The following ZMYM2 variants were observed in gnomAD, a reference collection of about 807,000 sequenced individuals.
ZMYM2 encodes zinc finger MYM-type containing 2.
Under a neutral mutation model 162.8 loss-of-function variants are expected in ZMYM2, and 56 were observed. The observed-to-expected ratio is 0.34, with a 90% CI of 0.28 to 0.43. The LOEUF (loss-of-function observed/expected upper bound fraction) is 0.43, where lower values mean the gene tolerates loss of function less well. Among genes scored for constraint, ZMYM2 ranks in the 20% least tolerant of loss-of-function variants. ZMYM2 has a pLI of 1.00. For synonymous variants in ZMYM2, 510 were observed against 541.6 expected, an observed-to-expected ratio of 0.94 and a Z score of 0.81; for missense variants, 1,275 against 1,621.8, an observed-to-expected ratio of 0.79 and a Z score of 3.67.
intron 2 of ZMYM2, among the ~76,000 whole-genome samples, chr13:19,968,752 T>C (rs1956035708): frequency 6.6e-6 from 1 of 152,236 alleles, no homozygotes; most frequent in South Asian, 2.1e-4. Context: ...ATTGCTCATT[T>C]TGCAAAAACT....
intron 17 of ZMYM2, 33 bp downstream of exon 17, chr13:20,061,257 G>C: frequency 1.3e-6 from 2 of 1,598,036 alleles, no homozygotes; most frequent in Non-Finnish European, 1.7e-6. Context: ...TTGCGAATAA[G>C]TGTTAACATT....
intron 12 of ZMYM2, among the ~76,000 whole-genome samples, chr13:20,040,477 C>T (rs930211458): frequency 6.6e-6 from 1 of 151,912 alleles, no homozygotes; most frequent in South Asian, 2.1e-4. Context: ...TGGGTCTTCT[C>T]TCTTTTCTTT....
intron 2 of ZMYM2, among the ~76,000 whole-genome samples, chr13:19,970,600 C>CAAA (rs11365281): frequency 4.5e-3 from 396 of 88,046 alleles, no homozygotes; most frequent in Middle Eastern, 0.036. Flanking sequence ...AACCCCAAAC[C>CAAA]AAAAAAAAAA....
At chr13:19,878,874 T>C in the ZMYM2 span, among the ~76,000 whole-genome samples, 3 of 152,208 alleles carry the variant, frequency 2.0e-5, no homozygotes, top group Non-Finnish European at 4.4e-5. Context: ...GAGTTATATA[T>C]ATAGACTGGA....
At chr13:19,957,152 T>C (rs994657139), upstream of ZMYM2, among the ~76,000 whole-genome samples, 2 of 152,206 alleles carry the variant, frequency 1.3e-5, no homozygotes, top group African/African-American at 2.4e-5. Context: ...ATTTATTTTT[T>C]TTAATGAGTG....
chr13:20,060,210 A>G (rs1424986117), intron 16 of ZMYM2, among the ~76,000 whole-genome samples: 2 of 152,208 alleles, frequency 1.3e-5, no homozygotes, highest in Non-Finnish European at 2.9e-5. Context: ...TAATGAAGCT[A>G]ATAAAACCAT....
the ZMYM2 span, among the ~76,000 whole-genome samples, chr13:19,946,316 C>T: frequency 6.6e-6 from 1 of 152,200 alleles, no homozygotes; most frequent in Non-Finnish European, 1.5e-5. Context: ...CCAAGGCCTT[C>T]CAGGGGCCAC....
intron 21 of ZMYM2, among the ~76,000 whole-genome samples, chr13:20,081,481 G>A (rs1371596483): frequency 6.6e-6 from 1 of 152,102 alleles, no homozygotes; most frequent in Non-Finnish European, 1.5e-5. Flanking sequence ...TGTTTTACAG[G>A]TGGAGAATTA....
rs1230522596 is a variant in ZMYM2, at chr13:19,993,162, T to C, written c.90T>C (p.Asn30=). The part of the protein sequence containing the change: ...GSTAMATSLT[N]VGNSFSGPAN... Reference sequence around the variant, plus strand: ...CGGCCATGGCAACTAGTCTCACGAATGTAGGAAACTCATTTAGTGGTCCAG... The same window carrying C: ...CGGCCATGGCAACTAGTCTCACGAACGTAGGAAACTCATTTAGTGGTCCAG... Residue 30 remains asparagine, a synonymous_variant, in exon 3 of 25, where the codon AAT becomes AAC. Transcript: ENST00000610343. 4 of 1,614,064 alleles carry C rather than the reference T, an allele frequency of 2.5e-6. No homozygotes were observed. Among genetic ancestry groups the C allele is most frequent in the East Asian group, 2.2e-5 (1 of 44,884 alleles).
chr13:20,053,606 C>T (rs915541646), intron 14 of ZMYM2, among the ~76,000 whole-genome samples: 14 of 152,152 alleles, frequency 9.2e-5, no homozygotes, highest in Admixed American at 3.3e-4. Flanking sequence ...GAGCCAAGAT[C>T]GCGCCACTGC....
At chr13:20,049,850 G>A (rs1307065035) in intron 12 of ZMYM2, among the ~76,000 whole-genome samples, 2 of 151,920 alleles carry the variant, frequency 1.3e-5, no homozygotes, top group African/African-American at 2.4e-5. Flanking sequence ...TGCATTGTTC[G>A]GAATCAGTGA....
chr13:19,873,391 T>TA, the ZMYM2 span, among the ~76,000 whole-genome samples: 1 of 144,332 alleles, frequency 6.9e-6, no homozygotes, highest in Non-Finnish European at 1.5e-5. Flanking sequence ...TTTATTTATT[T>TA]ATTTATTTAT....
the ZMYM2 span, among the ~76,000 whole-genome samples, chr13:19,908,823 C>T: frequency 6.6e-6 from 1 of 152,182 alleles, no homozygotes; most frequent in African/African-American, 2.4e-5. Flanking sequence ...TGTCATGTAG[C>T]CTCTGAGTAA....
intron 6 of ZMYM2, among the ~76,000 whole-genome samples, chr13:20,008,411 G>T (rs754439070): frequency 6.6e-6 from 1 of 152,234 alleles, no homozygotes; most frequent in Non-Finnish European, 1.5e-5. Flanking sequence ...GATTACAGGC[G>T]TGAGCCATCA....
At chr13:19,872,226 C>T in the ZMYM2 span, among the ~76,000 whole-genome samples, 4 of 151,886 alleles carry the variant, frequency 2.6e-5, no homozygotes, top group Non-Finnish European at 4.4e-5. Context: ...ATCCACAGTG[C>T]CCATCCTCTG....
intron 12 of ZMYM2, among the ~76,000 whole-genome samples, chr13:20,047,657 T>G (rs971170806): frequency 2.2e-4 from 34 of 152,138 alleles, no homozygotes; most frequent in African/African-American, 7.7e-4. Flanking sequence ...TACTTTTTTG[T>G]TTATTTAAAT....
intron 2 of ZMYM2, among the ~76,000 whole-genome samples, chr13:19,992,446 A>G (rs1041172478): frequency 2.0e-5 from 3 of 152,150 alleles, no homozygotes; most frequent in Non-Finnish European, 4.4e-5. Flanking sequence ...GATGGCCTGT[A>G]GTCCCAGCTA....
chr13:20,010,150 C>T (rs146469870), intron 6 of ZMYM2, among the ~76,000 whole-genome samples: 13 of 152,210 alleles, frequency 8.5e-5, no homozygotes, highest in African/African-American at 3.1e-4. Context: ...TTTTGATTTG[C>T]ATTTCCCTAA....
the ZMYM2 span, among the ~76,000 whole-genome samples, chr13:19,884,558 G>A: frequency 3.2e-4 from 48 of 151,944 alleles, no homozygotes; most frequent in African/African-American, 1.0e-3. Context: ...GGGCAACAGA[G>A]AAGGAAACCT....
Sources: gnomAD v4.1 joint callset for allele counts (sites outside exome capture counted in the v4.1 genomes callset) on GRCh38, gnomAD v4.1.1 for gene constraint, MANE v1.5 for transcripts, NCBI Gene and HGNC (gene_info 2026-07-23, HGNC 2026-07-21) for gene names.